GLIS3: variants seen among roughly 807,000 people sequenced by gnomAD.
GLIS3 encodes zinc finger protein GLIS3.
A neutral mutation model predicts 78.6 loss-of-function variants in GLIS3; 53 were observed. The ratio of observed to expected loss-of-function variants is 0.67; its 90% CI spans 0.54 to 0.85. The LOEUF is 0.85. Among genes scored for constraint, GLIS3 ranks in the 40% least tolerant of loss-of-function variants. The pLI, the probability that GLIS3 is intolerant of heterozygous loss-of-function variation, is 0.00. For missense variants in GLIS3, 1,703 were observed against 1,231.1 expected, an observed-to-expected ratio of 1.38 and a Z score of -5.74; for synonymous variants, 684 against 509.9, an observed-to-expected ratio of 1.34 and a Z score of -4.60.
the GLIS3 span, among the ~76,000 whole-genome samples, chr9:4,455,465 G>C: frequency 2.0e-5 from 3 of 152,198 alleles, no homozygotes; most frequent in African/African-American, 7.2e-5. Flanking sequence ...CCTGTACTGA[G>C]GATCAAACAG....
chr9:4,169,531 G>C (rs1272222844), intron 2 of GLIS3, among the ~76,000 whole-genome samples: 1 of 152,158 alleles, frequency 6.6e-6, no homozygotes, highest in Non-Finnish European at 1.5e-5. Context: ...TTGCTACAAA[G>C]CACACCGGGA....
intron 2 of GLIS3, among the ~76,000 whole-genome samples, chr9:4,224,405 T>C (rs185712715): frequency 1.3e-5 from 2 of 152,354 alleles, no homozygotes; most frequent in Admixed American, 6.5e-5. Context: ...TGTTTACCAT[T>C]GAGATGTTCT....
chr9:4,117,901 A>G lies in GLIS3; in HGVS notation c.1577T>C (p.Ile526Thr), dbSNP rs1486333955. 2 of 1,614,074 alleles carry G rather than the reference A, an allele frequency of 1.2e-6. No homozygotes were observed. Among genetic ancestry groups the G allele is most frequent in the Admixed American group, 1.7e-5 (1 of 60,006 alleles). ...ELVRHIEKVH[I>T]DQRKGEDFTC... Reference sequence around the variant, plus strand: ...GAAGTCCTCCCCTTTGCGCTGGTCGATGTGGACCTTCTCGATGTGCCGCAC... The same window carrying G: ...GAAGTCCTCCCCTTTGCGCTGGTCGGTGTGGACCTTCTCGATGTGCCGCAC... The change falls in exon 4 of 11, where the codon ATC becomes ACC. Residue 526 changes from isoleucine (I) to threonine (T), a missense_variant. Transcript: ENST00000381971.
At chr9:4,230,348 A>AG (rs1822147221) in intron 2 of GLIS3, among the ~76,000 whole-genome samples, 1 of 152,326 alleles carries the variant, frequency 6.6e-6, no homozygotes, top group African/African-American at 2.4e-5. Context: ...TGGACTTGCG[A>AG]GGGGTATGAG....
chr9:3,961,197 C>G (rs1339383531), intron 4 of GLIS3, among the ~76,000 whole-genome samples: 1 of 152,146 alleles, frequency 6.6e-6, no homozygotes, highest in Non-Finnish European at 1.5e-5. Context: ...CTCATGAGAA[C>G]CCGCTGTGCT....
chr9:3,970,152 G>A (rs554379557), intron 4 of GLIS3, among the ~76,000 whole-genome samples: 1 of 152,250 alleles, frequency 6.6e-6, no homozygotes, highest in South Asian at 2.1e-4. Context: ...TTCAGAGCTG[G>A]TACACACATA....
intron 4 of GLIS3, among the ~76,000 whole-genome samples, chr9:4,114,222 C>T (rs1011453701): frequency 6.6e-6 from 1 of 152,146 alleles, no homozygotes; most frequent in Non-Finnish European, 1.5e-5. Context: ...ATTCAGAACA[C>T]ACTTACTGGG....
intron 4 of GLIS3, among the ~76,000 whole-genome samples, chr9:3,978,653 C>T (rs962491430): frequency 1.3e-5 from 2 of 151,626 alleles, no homozygotes; most frequent in African/African-American, 2.4e-5. Flanking sequence ...AATACTAATA[C>T]AGAGTACATG....
chr9:4,277,449 G>C (rs574931124), intron 2 of GLIS3, among the ~76,000 whole-genome samples: 1 of 152,226 alleles, frequency 6.6e-6, no homozygotes, highest in East Asian at 1.9e-4. Context: ...GACTTCCCAG[G>C]TTCTCACAAT....
rs540496174 is a variant in GLIS3, at chr9:3,976,795, C to CAAAAAAAAAAAAAA, written c.1711-39620_1711-39607dup. 3.1e-4 allele frequency among the ~76,000 whole-genome samples: 8 copies of CAAAAAAAAAAAAAA among 26,184 alleles called. 1 individual carries two copies. The highest frequency in any genetic ancestry group is 7.7e-4 in the East Asian group (1 of 1,306). 17.2% of individuals were successfully genotyped at this position (26,184 alleles called of 152,430 possible). On this transcript the variant is annotated intron_variant, in intron 4 of 10. Coordinates refer to ENST00000381971, the MANE Select transcript of GLIS3 (RefSeq NM_001042413.2). ...ATGGGAGACAGAAATCCTCCCCCTG[C>CAAAAAAAAAAAAAA]AAAAAAAAAAAAAAAAAAAAAAAAA...
At chr9:4,350,483 C>G (rs1292367723), upstream of GLIS3, among the ~76,000 whole-genome samples, 1 of 152,136 alleles carries the variant, frequency 6.6e-6, no homozygotes, top group East Asian at 1.9e-4. Flanking sequence ...CACTATTCAC[C>G]TGTGCACAGT....
At position 3,828,202 on chromosome 9, in the gene GLIS3, G is replaced by A. The variant is rs1228039006; in HGVS notation, c.*70C>T. On this transcript the variant is annotated 3_prime_UTR_variant, in exon 11 of 11. Transcript: ENST00000381971. ...TGACATCCTTCCTCAAGCAGTCTGT[G>A]AGAGTACGAAAACAAAAGGTGGCAA... The A allele has an allele frequency of 2.1e-5, 33 of 1,578,956 alleles. No homozygotes were observed. Among genetic ancestry groups the A allele is most frequent in the Non-Finnish European group, 2.6e-5 (30 of 1,150,242 alleles).
chr9:4,023,779 AAGCCTTTATCCATGTGACTG>A (rs1193642217), intron 4 of GLIS3, among the ~76,000 whole-genome samples: 1 of 152,208 alleles, frequency 6.6e-6, no homozygotes, highest in African/African-American at 2.4e-5. Context: ...AATGAGACAG[AAGCCTTTATCCATGTGACTG>A]AGGGTGCTGG....
chr9:3,879,690 T>C (rs1821600646), intron 7 of GLIS3, 95 bp from the exon 8 acceptor site: 1 of 1,339,136 alleles, frequency 7.5e-7, no homozygotes, highest in South Asian at 1.3e-5. Context: ...TTTGAGGGGC[T>C]TGCTTGTTTT....
At chr9:4,272,518 T>G (rs1414007268) in intron 2 of GLIS3, among the ~76,000 whole-genome samples, 1 of 152,180 alleles carries the variant, frequency 6.6e-6, no homozygotes, top group East Asian at 1.9e-4. Context: ...TTCCCAAGCC[T>G]CTCTGTTCTC....
intron 2 of GLIS3, among the ~76,000 whole-genome samples, chr9:4,209,143 T>C (rs944351990): frequency 2.6e-5 from 4 of 152,160 alleles, no homozygotes; most frequent in Non-Finnish European, 2.9e-5. Flanking sequence ...TGGACGCTCA[T>C]GCACCACTCT....
chr9:3,892,099 A>T (rs1415363062), intron 7 of GLIS3, among the ~76,000 whole-genome samples: 1 of 152,156 alleles, frequency 6.6e-6, no homozygotes, highest in Non-Finnish European at 1.5e-5. Flanking sequence ...TAGAAACGCC[A>T]GGGTAAGACT....
intron 2 of GLIS3, among the ~76,000 whole-genome samples, chr9:4,311,521 C>T (rs1817357070): frequency 3.3e-5 from 5 of 152,182 alleles, no homozygotes; most frequent in Admixed American, 1.3e-4. Flanking sequence ...AAATCCATTA[C>T]ACAATAAGTT....
chr9:3,902,626 G>C (rs569524804), intron 6 of GLIS3, among the ~76,000 whole-genome samples: 7 of 152,258 alleles, frequency 4.6e-5, no homozygotes, highest in African/African-American at 1.7e-4. Flanking sequence ...ATCACCTGCA[G>C]CGCCCCACCC....
Sources: allele counts gnomAD v4.1 joint callset (sites outside exome capture counted in the v4.1 genomes callset), GRCh38; gene constraint gnomAD v4.1.1; transcripts MANE v1.5; gene names NCBI Gene and HGNC (gene_info 2026-07-23, HGNC 2026-07-21).